HTR1E: variants seen among roughly 807,000 people sequenced by gnomAD.
The protein encoded by HTR1E is 5-HT-1E.
In HTR1E, 3 loss-of-function variants were observed where a neutral mutation model predicts 3.4. That is an observed-to-expected ratio of 0.89 (90% CI 0.41 to 2.31). The LOEUF (loss-of-function observed/expected upper bound fraction) is 2.31, where lower values mean the gene tolerates loss of function less well. Ranked by LOEUF, HTR1E falls within the 30% of genes most tolerant of loss-of-function variation. HTR1E has a pLI of 0.05. For synonymous variants in HTR1E, 170 were observed against 182.8 expected (o/e 0.93, Z 0.56); for missense variants, 392 against 467.0 (o/e 0.84, Z 1.48).
At chr6:86,989,461 C>T (rs1767843487) in intron 1 of HTR1E, among the ~76,000 whole-genome samples, 1 of 152,116 alleles carries the variant, frequency 6.6e-6, no homozygotes, top group African/African-American at 2.4e-5. Flanking sequence ...AAAAGAGTGC[C>T]TTAGGAATCA....
At chr6:86,994,261 G>C (rs1048348792) in intron 1 of HTR1E, among the ~76,000 whole-genome samples, 1 of 152,002 alleles carries the variant, frequency 6.6e-6, no homozygotes, top group Admixed American at 6.6e-5. Flanking sequence ...GCAAAAGATA[G>C]AGAAAAAGAT....
chr6:87,013,244 T>C (rs1768264116), intron 1 of HTR1E, among the ~76,000 whole-genome samples: 1 of 152,234 alleles, frequency 6.6e-6, no homozygotes, highest in Non-Finnish European at 1.5e-5. Context: ...CCTGGTGCTC[T>C]GACCTTCACT....
chr6:86,972,060 A>G (rs1767565447), intron 1 of HTR1E, among the ~76,000 whole-genome samples: 1 of 152,262 alleles, frequency 6.6e-6, no homozygotes, highest in Admixed American at 6.5e-5. Flanking sequence ...GATTTTAAAC[A>G]GAGCATTATA....
chr6:87,010,342 G>A (rs1182607587), intron 1 of HTR1E, among the ~76,000 whole-genome samples: 11 of 113,624 alleles, frequency 9.7e-5, no homozygotes, highest in African/African-American at 3.5e-4. Flanking sequence ...CCTCCCGGAC[G>A]GGGCGGCTGG....
intron 1 of HTR1E, among the ~76,000 whole-genome samples, chr6:86,945,954 G>A (rs1284667107): frequency 6.6e-6 from 1 of 152,050 alleles, no homozygotes; most frequent in Admixed American, 6.5e-5. Flanking sequence ...GGCCAGGCTG[G>A]TCTCAATCTC....
At chr6:86,955,455 T>C (rs1374598452) in intron 1 of HTR1E, among the ~76,000 whole-genome samples, 1 of 152,242 alleles carries the variant, frequency 6.6e-6, no homozygotes, top group African/African-American at 2.4e-5. Context: ...AGTGTCATCA[T>C]ACAGATGTAA....
intron 1 of HTR1E, among the ~76,000 whole-genome samples, chr6:86,958,563 A>G (rs1197610683): frequency 6.6e-6 from 1 of 152,208 alleles, no homozygotes; most frequent in Non-Finnish European, 1.5e-5. Context: ...AATCTTGTTC[A>G]GTTTTCATCT....
At chr6:86,963,267 G>T (rs1258536956) in intron 1 of HTR1E, among the ~76,000 whole-genome samples, 1 of 152,000 alleles carries the variant, frequency 6.6e-6, no homozygotes, top group Non-Finnish European at 1.5e-5. Flanking sequence ...TATAAAAAAA[G>T]AAAATATTTT....
chr6:86,995,517 T>C (rs1767925099), intron 1 of HTR1E, among the ~76,000 whole-genome samples: 1 of 149,822 alleles, frequency 6.7e-6, no homozygotes, highest in African/African-American at 2.5e-5. Context: ...AATACAAAAA[T>C]TAGCCAGGCG....
intron 1 of HTR1E, among the ~76,000 whole-genome samples, chr6:86,963,260 A>T (rs1156715183): frequency 1.3e-5 from 2 of 152,172 alleles, no homozygotes; most frequent in African/African-American, 4.8e-5. Context: ...ATAAGGATAT[A>T]AAAAAAGAAA....
chr6:86,972,444 T>C (rs1767573564), intron 1 of HTR1E, among the ~76,000 whole-genome samples: 1 of 152,206 alleles, frequency 6.6e-6, no homozygotes, highest in Non-Finnish European at 1.5e-5. Context: ...CTGGTGGTTG[T>C]ACACATTGAA....
At chr6:86,952,464 TTTC>T (rs1380936339) in intron 1 of HTR1E, among the ~76,000 whole-genome samples, 7 of 151,212 alleles carry the variant, frequency 4.6e-5, no homozygotes, top group Admixed American at 4.6e-4. Context: ...AAAGTTGTCT[TTTC>T]TTCCTTTTGG....
intron 1 of HTR1E, among the ~76,000 whole-genome samples, chr6:87,001,190 A>G (rs1438898699): frequency 6.6e-6 from 1 of 152,194 alleles, no homozygotes; most frequent in Non-Finnish European, 1.5e-5. Flanking sequence ...TAAAATTAAA[A>G]CATACCACCT....
At chr6:86,960,727 G>A (rs760497612) in intron 1 of HTR1E, among the ~76,000 whole-genome samples, 12 of 152,186 alleles carry the variant, frequency 7.9e-5, no homozygotes, top group Non-Finnish European at 1.6e-4. Flanking sequence ...GACAAGTCAC[G>A]TAACCCTAAG....
intron 1 of HTR1E, among the ~76,000 whole-genome samples, chr6:86,996,425 G>C (rs1043763255): frequency 2.0e-5 from 3 of 151,840 alleles, no homozygotes; most frequent in Non-Finnish European, 4.4e-5. Flanking sequence ...ATCAATGAAA[G>C]GTTGTTTTTC....
intron 1 of HTR1E, among the ~76,000 whole-genome samples, chr6:86,979,779 G>A (rs1019057049): frequency 1.3e-5 from 2 of 152,166 alleles, no homozygotes; most frequent in Admixed American, 6.5e-5. Flanking sequence ...ATGGGATTAA[G>A]GGAAGCCACA....
intron 1 of HTR1E, among the ~76,000 whole-genome samples, chr6:86,962,267 GA>G (rs1477825862): frequency 2.0e-5 from 3 of 152,176 alleles, no homozygotes; most frequent in Admixed American, 6.5e-5. Flanking sequence ...GCTTGGGTCA[GA>G]AATGTCAGAG....
chr6:86,949,323 T>C (rs1767187705), intron 1 of HTR1E, among the ~76,000 whole-genome samples: 1 of 152,186 alleles, frequency 6.6e-6, no homozygotes, highest in South Asian at 2.1e-4. Flanking sequence ...TAAAACAGTA[T>C]CTGGTATATT....
intron 1 of HTR1E, among the ~76,000 whole-genome samples, chr6:86,942,413 A>C (rs1768558284): frequency 6.6e-6 from 1 of 152,226 alleles, no homozygotes; most frequent in Non-Finnish European, 1.5e-5. Flanking sequence ...TAGTCAAGGA[A>C]GTATTTGTTA....
Sources: gnomAD v4.1 joint callset for allele counts (sites outside exome capture counted in the v4.1 genomes callset) on GRCh38, gnomAD v4.1.1 for gene constraint, MANE v1.5 for transcripts, NCBI Gene and HGNC (gene_info 2026-07-23, HGNC 2026-07-21) for gene names.